CFAP299: variants seen among roughly 807,000 people sequenced by gnomAD.
The protein encoded by CFAP299 is cilia and flagella associated protein 299.
A neutral mutation model predicts 27.0 loss-of-function variants in CFAP299; 21 were observed. The ratio of observed to expected loss-of-function variants is 0.78; its 90% CI spans 0.55 to 1.12. CFAP299 has a LOEUF of 1.12. Among genes scored for constraint, CFAP299 ranks in the 50% most tolerant of loss-of-function variants. The pLI, the probability that CFAP299 is intolerant of heterozygous loss-of-function variation, is 0.00. For synonymous variants in CFAP299, 104 were observed against 98.1 expected (o/e 1.06, Z -0.36); for missense variants, 310 against 276.6 (o/e 1.12, Z -0.86).
At chr4:80,886,715 C>A in intron 4 of CFAP299, among the ~76,000 whole-genome samples, 1 of 152,108 alleles carries the variant, frequency 6.6e-6, no homozygotes, top group East Asian at 1.9e-4. Flanking sequence ...GAACACGTAA[C>A]TTCACCAGTA....
intron 4 of CFAP299, chr4:80,871,627 C>T: frequency 1.0e-6 from 1 of 983,126 alleles, no homozygotes; most frequent in Non-Finnish European, 1.2e-6. Flanking sequence ...TCTTGTTTTT[C>T]ATCACCACCT....
At chr4:80,356,483 C>T (rs980424712) in intron 1 of CFAP299, among the ~76,000 whole-genome samples, 3 of 152,056 alleles carry the variant, frequency 2.0e-5, no homozygotes, top group Admixed American at 6.6e-5. Context: ...AGTGTTTTTC[C>T]GTCTGCTTGT....
intron 2 of CFAP299, among the ~76,000 whole-genome samples, chr4:80,482,795 G>C (rs1430193310): frequency 5.9e-5 from 9 of 152,154 alleles, no homozygotes; most frequent in Non-Finnish European, 5.9e-5. Flanking sequence ...GCTAAAATTT[G>C]AATCAGGTCT....
At chr4:80,513,443 A>G (rs1475663519) in intron 2 of CFAP299, among the ~76,000 whole-genome samples, 3 of 152,164 alleles carry the variant, frequency 2.0e-5, no homozygotes, top group South Asian at 4.1e-4. Context: ...AGCATATTTT[A>G]TACAAATGAC....
chr4:80,956,226 C>G (rs1308298660), intron 5 of CFAP299, among the ~76,000 whole-genome samples: 1 of 152,116 alleles, frequency 6.6e-6, no homozygotes, highest in Non-Finnish European at 1.5e-5. Flanking sequence ...TAGATATTGT[C>G]AAATTGCTTT....
chr4:80,617,370 C>T (rs1738344930), intron 3 of CFAP299, among the ~76,000 whole-genome samples: 1 of 152,048 alleles, frequency 6.6e-6, no homozygotes, highest in East Asian at 1.9e-4. Context: ...GCTTGACCAC[C>T]AGCCCCAGCT....
At chr4:80,490,072 C>T (rs944043989) in intron 2 of CFAP299, among the ~76,000 whole-genome samples, 1 of 152,070 alleles carries the variant, frequency 6.6e-6, no homozygotes, top group Non-Finnish European at 1.5e-5. Context: ...TGAGACAACC[C>T]GCGTAAGTGA....
chr4:80,437,833 A>G lies in CFAP299; in HGVS notation c.242+74949A>G, dbSNP rs553363175. ...TTTATTTTAATGGGCACTTTTGTCT[A>G]CTTGTCTAACTAGGCTTCTCTACAG... On this transcript the variant is annotated intron_variant, in intron 2 of 5. Transcript: ENST00000358105. Among the ~76,000 whole-genome samples the G allele has an allele frequency of 5.0e-4, 76 of 152,310 alleles. 1 individual carries two copies. Among genetic ancestry groups the G allele is most frequent in the African/African-American group, 1.8e-3 (73 of 41,562 alleles).
At chr4:80,864,209 C>T (rs1441604408) in intron 3 of CFAP299, among the ~76,000 whole-genome samples, 1 of 151,316 alleles carries the variant, frequency 6.6e-6, no homozygotes, top group Non-Finnish European at 1.5e-5. Flanking sequence ...TTAGTTAAAC[C>T]TAAGCAATTA....
At chr4:80,951,459 A>C (rs979607590) in intron 5 of CFAP299, among the ~76,000 whole-genome samples, 1 of 152,202 alleles carries the variant, frequency 6.6e-6, no homozygotes, top group Non-Finnish European at 1.5e-5. Flanking sequence ...AATTGTTCAA[A>C]CATAACAGTG....
chr4:80,961,877 T>A (rs1738361829), intron 5 of CFAP299, among the ~76,000 whole-genome samples: 1 of 151,964 alleles, frequency 6.6e-6, no homozygotes, highest in Non-Finnish European at 1.5e-5. Flanking sequence ...CTCTAATCCA[T>A]TAATCCATTT....
chr4:80,825,920 A>G (rs970177844), intron 3 of CFAP299, among the ~76,000 whole-genome samples: 1 of 151,960 alleles, frequency 6.6e-6, no homozygotes, highest in Non-Finnish European at 1.5e-5. Flanking sequence ...ATTGTTTTAA[A>G]AATAATTATT....
At chr4:80,475,177 T>G (rs1254028240) in intron 2 of CFAP299, among the ~76,000 whole-genome samples, 2 of 152,088 alleles carry the variant, frequency 1.3e-5, no homozygotes, top group African/African-American at 4.8e-5. Context: ...CAGTGTGGTA[T>G]GGAAGTTGAA....
At chr4:80,801,011 C>T (rs1470443444) in intron 3 of CFAP299, among the ~76,000 whole-genome samples, 1 of 151,328 alleles carries the variant, frequency 6.6e-6, no homozygotes, top group Admixed American at 6.7e-5. Context: ...TACTGGCTGC[C>T]CTGACAGCTG....
At position 80,728,917 on chromosome 4, in the gene CFAP299, G is replaced by T. The variant is rs183262175; in HGVS notation, c.334-141076G>T. Among the ~76,000 whole-genome samples, 19 of 152,218 alleles carry T rather than the reference G, an allele frequency of 1.2e-4. 1 individual carries two copies. The highest frequency in any genetic ancestry group is 1.2e-3 in the Admixed American group (19 of 15,290). On this transcript the variant is annotated intron_variant, in intron 3 of 5. Coordinates refer to ENST00000358105, the MANE Select transcript of CFAP299 (RefSeq NM_152770.3). Reference sequence around the variant, plus strand: ...ATCTTGCTTTGCCCTTTGCACCAATGATATCATCAGTTTTTAAAAGATGCA... The same window carrying T: ...ATCTTGCTTTGCCCTTTGCACCAATTATATCATCAGTTTTTAAAAGATGCA...
At chr4:80,719,250 C>G (rs552854942) in intron 3 of CFAP299, among the ~76,000 whole-genome samples, 1 of 152,072 alleles carries the variant, frequency 6.6e-6, no homozygotes, top group East Asian at 1.9e-4. Context: ...CATGAGTTAA[C>G]CTATATAACA....
intron 4 of CFAP299, among the ~76,000 whole-genome samples, chr4:80,921,814 G>A (rs1271874241): frequency 1.3e-5 from 2 of 151,916 alleles, no homozygotes; most frequent in Non-Finnish European, 2.9e-5. Flanking sequence ...AGTGGTGGAA[G>A]CAAGCCGATA....
chr4:80,687,711 CG>C (rs1720300361), intron 3 of CFAP299, among the ~76,000 whole-genome samples: 1 of 152,164 alleles, frequency 6.6e-6, no homozygotes, highest in African/African-American at 2.4e-5. Context: ...GGAACAGCTC[CG>C]GTCTACAGCT....
At chr4:80,563,907 A>G (rs1735158438) in intron 2 of CFAP299, among the ~76,000 whole-genome samples, 1 of 152,072 alleles carries the variant, frequency 6.6e-6, no homozygotes, top group African/African-American at 2.4e-5. Context: ...ATTAGTGGCT[A>G]CCATGAGCAA....
Sources: allele counts gnomAD v4.1 joint callset (sites outside exome capture counted in the v4.1 genomes callset), GRCh38; gene constraint gnomAD v4.1.1; transcripts MANE v1.5; gene names NCBI Gene and HGNC (gene_info 2026-07-23, HGNC 2026-07-21).